Variants in EPHB6 observed in about 807,000 individuals in gnomAD.
EPHB6 encodes ephrin type-B receptor 6.
Under a neutral mutation model 107.0 loss-of-function variants are expected in EPHB6, and 51 were observed. The ratio of observed to expected loss-of-function variants is 0.48; its 90% confidence interval spans 0.38 to 0.60. The LOEUF (loss-of-function observed/expected upper bound fraction) is 0.60, where lower values mean the gene tolerates loss of function less well. Ranked by LOEUF, EPHB6 falls within the 20% of genes least tolerant of loss-of-function variation. The probability of loss-of-function intolerance (pLI) is 0.00; values close to 1 mark genes in which losing one functional copy is unlikely to be tolerated. For synonymous variants in EPHB6, 553 were observed against 549.0 expected, an observed-to-expected ratio of 1.01 and a Z score of -0.10; for missense variants, 1,141 against 1,355.5, an observed-to-expected ratio of 0.84 and a Z score of 2.48.
chr7:142,864,292 TCC>T lies in EPHB6; in HGVS notation c.494_495del (p.Pro165LeufsTer159). ...ACACAATTGCAGCAGACGAGAGCTT[TCC>T]CTCCTCCTCCTCCTCCTCCTCCTCC... is the stretch of plus-strand genomic sequence containing the variant. The part of the protein sequence containing the change: ...VDTIAADESF[P>X]SSSSSSSSSS... On this transcript the variant is annotated frameshift_variant, in exon 7 of 20. Transcript: ENST00000652003. LOFTEE classifies it high-confidence loss of function. 7.3e-6 allele frequency: 11 copies of T among 1,510,464 alleles called. No individual in the cohort carries two copies. The highest frequency in any genetic ancestry group is 3.4e-4 in the Middle Eastern group (2 of 5,872). 93.6% of individuals were successfully genotyped at this position (1,510,464 alleles called of 1,614,324 possible). A position where few individuals can be genotyped will look rare whatever the true frequency, so the allele number is the denominator to read the frequency against.
In EPHB6 at chr7:142,864,758, C is replaced by G. The variant is rs1280001717; in HGVS notation, c.949+9C>G. 8.7e-6 allele frequency: 14 copies of G among 1,612,616 alleles called. No homozygotes were observed. Among genetic ancestry groups the G allele is most frequent in the Non-Finnish European group, 1.2e-5 (14 of 1,180,026 alleles). On this transcript the variant is annotated intron_variant, in intron 7 of 19. Transcript: ENST00000652003. Reference sequence around the variant, plus strand: ...AGACAAGGCCTGCCAAGGTGAGAGCCCACTCGTCTTGCACTTGCCCGACAC... The same window carrying G: ...AGACAAGGCCTGCCAAGGTGAGAGCGCACTCGTCTTGCACTTGCCCGACAC...
intron 8 of EPHB6, 76 bp downstream of exon 8, chr7:142,865,706 G>A: frequency 6.4e-7 from 1 of 1,565,046 alleles, no homozygotes; most frequent in Non-Finnish European, 8.7e-7. Context: ...AGGCAACACT[G>A]GGGGCTCTTT....
Position 142,868,718 on chromosome 7 carries a change from C to T in EPHB6, c.2265C>T (p.Gly755=), listed in dbSNP as rs932316072. ...TGCTGACGGAGTTCATGGAGCTTGG[C>T]CCCCTGGACAGCTTCCTCAGGGTCA... ...LMVLTEFMEL[G]PLDSFLRQRE... is the part of the protein sequence containing the mutation. The change falls in exon 15 of 20, where the codon GGC becomes GGT. Residue 755 remains glycine (G), a synonymous_variant. Coordinates refer to ENST00000652003, the MANE Select transcript of EPHB6 (RefSeq NM_004445.6). This position sits in a 1 kb window ranked among gnomAD's most constrained non-coding sequence, Gnocchi z 4.2. 6 of 1,613,798 alleles carry T rather than the reference C, an allele frequency of 3.7e-6. No individual in the cohort carries two copies. The highest frequency in any genetic ancestry group is 5.1e-6 in the Non-Finnish European group (6 of 1,180,014).
At position 142,865,493 on chromosome 7, in the gene EPHB6, A is replaced by G. The variant is rs778830917; in HGVS notation, c.968A>G (p.Tyr323Cys). The change falls in exon 8 of 20, where the codon TAT becomes TGT. Residue 323 changes from tyrosine (Y) to cysteine (C), a missense_variant. Coordinates refer to ENST00000652003, the MANE Select transcript of EPHB6 (RefSeq NM_004445.6). ...TCCTCAGCCTGCCCACGGGGGCTCT[A>G]TAAGGCTTCTGCTGGGAATGCTCCC... Reference protein sequence around the residue: ...KACQACPRGLYKASAGNAPCS... With the variant: ...KACQACPRGLCKASAGNAPCS... 4 of 1,613,346 alleles carry G rather than the reference A, an allele frequency of 2.5e-6. No individual in the cohort carries two copies. The highest frequency in any genetic ancestry group is 2.2e-5 in the East Asian group (1 of 44,832).
At position 142,870,321 on chromosome 7, in the gene EPHB6, G is replaced by C; in HGVS notation, c.2718G>C (p.Arg906=). The C allele has an allele frequency of 6.2e-7, 1 of 1,614,236 alleles. No homozygotes were observed. Among genetic ancestry groups the C allele is most frequent in the Non-Finnish European group, 8.5e-7 (1 of 1,180,042 alleles). ...CTTGGCAGAAGGACCGTGCCCGGCG[G>C]CCTCATTTTGACCAGCTGGTGGCTG... ...LDTWQKDRAR[R]PHFDQLVAAF... The change falls in exon 18 of 20, where the codon CGG becomes CGC. Residue 906 remains arginine (R), a synonymous_variant. Transcript: ENST00000652003.
chr7:142,865,718 C>T lies in EPHB6; in HGVS notation c.1105+88C>T, dbSNP rs1460915678. On this transcript the variant is annotated intron_variant, in intron 8 of 19. Coordinates refer to ENST00000652003, the MANE Select transcript of EPHB6 (RefSeq NM_004445.6). ...AGCAGGCAACACTGGGGGCTCTTTG[C>T]ATTTGGAGTGACTTGTTTTTCCCCT... 7 of 1,532,688 alleles carry T rather than the reference C, an allele frequency of 4.6e-6. No individual in the cohort carries two copies. The East Asian group carries it at 1.2e-4, about 26-fold the overall frequency. 94.9% of individuals were successfully genotyped at this position (1,532,688 alleles called of 1,614,324 possible).
chr7:142,865,283 C>T (rs566426872), intron 7 of EPHB6, among the ~76,000 whole-genome samples, 192 bp from the exon 8 acceptor site: 1 of 152,330 alleles, frequency 6.6e-6, no homozygotes, highest in East Asian at 1.9e-4. Context: ...CATGGAAATG[C>T]AATTCTGTCC....
In EPHB6 at chr7:142,868,433, A is replaced by G; in HGVS notation, c.2039-59A>G. 3 of 1,613,988 alleles carry G rather than the reference A, an allele frequency of 1.9e-6. No homozygotes were observed. The highest frequency in any genetic ancestry group is 2.5e-6 in the Non-Finnish European group (3 of 1,179,890). On this transcript the variant is annotated intron_variant, in intron 14 of 19. Transcript: ENST00000652003. This position sits in a 1 kb window ranked among gnomAD's most constrained non-coding sequence, Gnocchi z 4.2. ...GCCTCCGCTGGCCAGAGTCCCATCCAAACACAGCAGGACGCTGTGAGCCTT... is the reference window on the plus strand; with the variant it reads ...GCCTCCGCTGGCCAGAGTCCCATCCGAACACAGCAGGACGCTGTGAGCCTT...
rs1802824563 is a variant in EPHB6 at position 142,861,191 on chromosome 7, CT to C, written c.-297+6del. The C allele has an allele frequency of 6.6e-6, 1 of 152,248 alleles. No individual in the cohort carries two copies. Among genetic ancestry groups the C allele is most frequent in the East Asian group, 1.9e-4 (1 of 5,174 alleles). The allele number at this position is 152,248 out of a possible 1,614,324, so 9.4% of individuals were successfully genotyped here. A position where few individuals can be genotyped will look rare whatever the true frequency, so the allele number is the denominator to read the frequency against. ...GTCTTCATTGTGACACTGGAGGTAG[CT>C]ATTCCTTCTGTTCATTTGCTCGTGA... On this transcript the variant is annotated splice_donor_region_variant and intron_variant, in intron 2 of 19. Coordinates refer to ENST00000652003, the MANE Select transcript of EPHB6 (RefSeq NM_004445.6).
chr7:142,868,184 T>C lies in EPHB6; in HGVS notation c.1919-57T>C, dbSNP rs763688028. 54 of 1,613,772 alleles carry C rather than the reference T, an allele frequency of 3.3e-5. No individual in the cohort carries two copies. The highest frequency in any genetic ancestry group is 4.4e-5 in the Non-Finnish European group (52 of 1,179,972). ...TGGAGGTAAGTGGGCATGTCTGGGGTGCGCGGGCAGCCCTGCCTTTCACAA... is the reference window on the plus strand; with the variant it reads ...TGGAGGTAAGTGGGCATGTCTGGGGCGCGCGGGCAGCCCTGCCTTTCACAA... On this transcript the variant is annotated intron_variant, in intron 13 of 19. Coordinates refer to ENST00000652003, the MANE Select transcript of EPHB6 (RefSeq NM_004445.6). The surrounding 1 kb of genome is among the most constrained non-coding windows in gnomAD (Gnocchi z 4.2).
In EPHB6 at chr7:142,866,753, G is replaced by C; in HGVS notation, c.1587+148G>C. 4 of 1,578,356 alleles carry C rather than the reference G, an allele frequency of 2.5e-6. No individual in the cohort carries two copies. Among genetic ancestry groups the C allele is most frequent in the Non-Finnish European group, 3.5e-6 (4 of 1,152,796 alleles). On this transcript the variant is annotated intron_variant, in intron 10 of 19. Coordinates refer to ENST00000652003, the MANE Select transcript of EPHB6 (RefSeq NM_004445.6). The surrounding 1 kb of genome is among the most constrained non-coding windows in gnomAD (Gnocchi z 5.2). ...CTCACAGTCCCCACAGTAGGGGCCA[G>C]AGGCTGAATGGGCAAGGAGAGGTGC...
At chr7:142,860,090 C>G (rs1412832906) in intron 1 of EPHB6, among the ~76,000 whole-genome samples, 1 of 152,224 alleles carries the variant, frequency 6.6e-6, no homozygotes, top group Non-Finnish European at 1.5e-5. Context: ...TGCAGCGCAT[C>G]TTTTCTATCT....
intron 1 of EPHB6, among the ~76,000 whole-genome samples, chr7:142,860,052 T>C (rs537730371): frequency 6.6e-6 from 1 of 152,302 alleles, no homozygotes; most frequent in East Asian, 1.9e-4. Flanking sequence ...TCTTCCAGAG[T>C]GTTCCATATT....
chr7:142,869,065 T>C lies in EPHB6; in HGVS notation c.2378T>C (p.Val793Ala). 1 of 1,613,634 alleles carries C rather than the reference T, an allele frequency of 6.2e-7. No individual in the cohort carries two copies. Among genetic ancestry groups the C allele is most frequent in the Non-Finnish European group, 8.5e-7 (1 of 1,180,012 alleles). ...AMQYLSSFAF[V>A]HRSLSAHSVL... is the part of the protein sequence containing the mutation. Reference sequence around the variant, plus strand: ...CAGTACCTGTCCAGCTTTGCCTTCGTCCATCGCTCGCTGTCTGCCCACAGC... The same window carrying C: ...CAGTACCTGTCCAGCTTTGCCTTCGCCCATCGCTCGCTGTCTGCCCACAGC... Residue 793 changes from valine to alanine, a missense_variant, in exon 16 of 20, where the codon GTC becomes GCC. Coordinates refer to ENST00000652003, the MANE Select transcript of EPHB6 (RefSeq NM_004445.6). This position sits in a 1 kb window ranked among gnomAD's most constrained non-coding sequence, Gnocchi z 4.5.
Position 142,868,542 on chromosome 7 carries a change from G to T in EPHB6, c.2089G>T (p.Glu697Ter). The change falls in exon 15 of 20, where the codon GAG becomes TAG. Residue 697 changes from glutamate (E) to a stop codon, truncating the protein, a stop_gained. Transcript: ENST00000652003. LOFTEE classifies it high-confidence loss of function. This position sits in a 1 kb window ranked among gnomAD's most constrained non-coding sequence, Gnocchi z 4.2. ...QGRLQPRGRR[E>*]QTVAIQALWA... ...CCGCCTGCAGCCACGGGGACGGAGG[G>T]AGCAGACTGTGGCCATCCAGGCCCT... 6.2e-7 allele frequency: 1 copy of T among 1,613,720 alleles called. No individual in the cohort carries two copies. Among genetic ancestry groups the T allele is most frequent in the Non-Finnish European group, 8.5e-7 (1 of 1,180,012 alleles).
intron 1 of EPHB6, among the ~76,000 whole-genome samples, chr7:142,856,978 CAG>C (rs1430283577): frequency 1.3e-5 from 2 of 152,252 alleles, no homozygotes; most frequent in African/African-American, 4.8e-5. Flanking sequence ...TCCTGGCACT[CAG>C]GGGCTTTCTT....
chr7:142,866,446 C>T lies in EPHB6; in HGVS notation c.1463-35C>T, dbSNP rs1281497680. 1.2e-6 allele frequency: 2 copies of T among 1,613,758 alleles called. No homozygotes were observed. The highest frequency in any genetic ancestry group is 1.7e-6 in the Non-Finnish European group (2 of 1,179,998). On this transcript the variant is annotated intron_variant, in intron 9 of 19. Coordinates refer to ENST00000652003, the MANE Select transcript of EPHB6 (RefSeq NM_004445.6). This position sits in a 1 kb window ranked among gnomAD's most constrained non-coding sequence, Gnocchi z 5.2. ...AAGGCTGATCCTGCTCCCAGGGACT[C>T]CTATCCCCATAATAATTTTCCTTTT...
intron 7 of EPHB6, 60 bp downstream of exon 7, chr7:142,864,809 C>A: frequency 6.3e-7 from 1 of 1,598,760 alleles, no homozygotes; most frequent in Non-Finnish European, 8.6e-7. Context: ...AGCCTTTGGG[C>A]TCCTCTCTGA....
rs1794887416 is a variant in EPHB6 at position 142,870,804 on chromosome 7, C to T, written c.2969C>T (p.Pro990Leu). The T allele has an allele frequency of 6.2e-7, 1 of 1,614,086 alleles. No individual in the cohort carries two copies. The highest frequency in any genetic ancestry group is 8.5e-7 in the Non-Finnish European group (1 of 1,180,022). Residue 990 changes from proline (P) to leucine (L), a missense_variant, in exon 20 of 20, where the codon CCT (proline) becomes CTT (leucine). Pro to Leu is a moderately conservative substitution (Grantham distance 98). This residue lies in a region of EPHB6 where 616 missense variants were observed against 759.3 expected (regional missense o/e 0.81). Transcript: ENST00000652003. ...CCTTCCCTCCCCACCAGAGACCTGC[C>T]TGCCCTGGGCATCACCCTGGCTGGC... is the stretch of plus-strand genomic sequence containing the variant. ...DVAQLSLEDL[P>L]ALGITLAGHQ...
Sources: allele counts gnomAD v4.1 joint callset (sites outside exome capture counted in the v4.1 genomes callset), GRCh38; gene constraint gnomAD v4.1.1; regional missense constraint gnomAD v4.1.1; non-coding constraint Gnocchi (gnomAD v3.1); transcripts MANE v1.5; gene names NCBI Gene and HGNC (gene_info 2026-07-23, HGNC 2026-07-21).